The following EP300 variants were observed in gnomAD, a reference collection of about 807,000 sequenced individuals.
The protein encoded by EP300 is histone acetyltransferase p300.
In EP300, 31 loss-of-function variants were observed where a neutral mutation model predicts 264.0. That is an observed-to-expected ratio of 0.12 (90% CI 0.09 to 0.16). The LOEUF (loss-of-function observed/expected upper bound fraction) is 0.16. EP300 is among the 10% of genes least tolerant of loss of function. The probability of loss-of-function intolerance (pLI) is 1.00; values close to 1 mark genes in which losing one functional copy is unlikely to be tolerated. For missense variants in EP300, 2,766 were observed against 3,052.9 expected, an observed-to-expected ratio of 0.91 and a Z score of 2.21; for synonymous variants, 1,340 against 1,045.4, an observed-to-expected ratio of 1.28 and a Z score of -5.44.
chr22:41,098,671 C>G (rs533401864), intron 1 of EP300, among the ~76,000 whole-genome samples: 1 of 152,020 alleles, frequency 6.6e-6, no homozygotes, highest in Non-Finnish European at 1.5e-5. Context: ...GCACCTGGCC[C>G]TAGAAGTAAT....
Position 41,168,276 on chromosome 22 carries a change from A to T in EP300, c.3875-173A>T, listed in dbSNP as rs1377201900. 3 of 664,900 alleles carry T rather than the reference A, an allele frequency of 4.5e-6. No individual in the cohort carries two copies. In the East Asian group the frequency reaches 8.1e-5, roughly 18 times the overall value. The allele number at this position is 664,900 out of a possible 1,614,324, so 41.2% of individuals were successfully genotyped here. ...ATATGAAGATTAGCATGTTCCCTGC[A>T]CTCATATGACATGTAAATCTGCAAA... is the stretch of plus-strand genomic sequence containing the variant. On this transcript the variant is annotated intron_variant, in intron 23 of 30. Transcript: ENST00000263253.
chr22:41,110,294 T>A (rs866708379), intron 1 of EP300, among the ~76,000 whole-genome samples: 15 of 91,012 alleles, frequency 1.6e-4, no homozygotes, highest in African/African-American at 6.3e-4. Flanking sequence ...TTTTTTTTTT[T>A]TTTTTTTTTT....
intron 22 of EP300, among the ~76,000 whole-genome samples, chr22:41,164,595 C>T (rs2059124972): frequency 6.6e-6 from 1 of 152,156 alleles, no homozygotes. Context: ...GCCTGTAATC[C>T]AGCTACTCAG....
chr22:41,161,090 G>C (rs1056264330), intron 20 of EP300, among the ~76,000 whole-genome samples: 12 of 152,230 alleles, frequency 7.9e-5, no homozygotes, highest in African/African-American at 2.9e-4. Context: ...AAAAATTGGA[G>C]GTTAGTACAA....
At position 41,177,802 on chromosome 22, in the gene EP300, C is replaced by T. The variant is rs199650847; in HGVS notation, c.6091C>T (p.Pro2031Ser). ...TCAACCTTTGAACATGGCTCCACAA[C>T]CAGGATTGGGCCAGGTAGGTATCAG... The part of the protein sequence containing the change: ...HGQPLNMAPQ[P>S]GLGQVGISPL... The change falls in exon 31 of 31, where the codon CCA (proline) becomes TCA (serine). Residue 2031 changes from proline (P) to serine (S), a missense_variant. Transcript: ENST00000263253. 10 of 1,614,084 alleles carry T rather than the reference C, an allele frequency of 6.2e-6. No homozygotes were observed. The Admixed American group carries it at 1.2e-4, about 19-fold the overall frequency.
chr22:41,166,739 A>G, intron 23 of EP300, 73 bp downstream of exon 23: 4 of 1,018,128 alleles, frequency 3.9e-6, no homozygotes, highest in Admixed American at 2.0e-5. Flanking sequence ...TCCAAAGTGA[A>G]TTACTTTGTT....
Position 41,169,600 on chromosome 22 carries a change from T to C in EP300, c.4270T>C (p.Tyr1424His). The C allele has an allele frequency of 6.3e-7, 1 of 1,597,118 alleles. No homozygotes were observed. The highest frequency in any genetic ancestry group is 8.6e-7 in the Non-Finnish European group (1 of 1,166,680). ...YHEILIGYLE[Y>H]VKKLGYTTGH... ...TGAAATCCTAATTGGATATTTAGAA[T>C]ATGTCAAGAAATTAGGGTAAGCATA... The change falls in exon 26 of 31, where the codon TAT becomes CAT. Residue 1424 changes from tyrosine to histidine, a missense_variant. By Grantham distance (83) the Tyr-to-His change is moderately conservative (BLOSUM62 2). Coordinates refer to ENST00000263253, the MANE Select transcript of EP300 (RefSeq NM_001429.4).
Position 41,127,868 on chromosome 22 carries a change from G to T in EP300, c.1168+120G>T, listed in dbSNP as rs2058892086. On this transcript the variant is annotated intron_variant, in intron 4 of 30. Coordinates refer to ENST00000263253, the MANE Select transcript of EP300 (RefSeq NM_001429.4). ...GTTTAATACCTTAATTGTGGTGATGGTGTCTGTATGTACAAAGTCACCAAA... is the reference window on the plus strand; with the variant it reads ...GTTTAATACCTTAATTGTGGTGATGTTGTCTGTATGTACAAAGTCACCAAA... 1.7e-5 allele frequency: 22 copies of T among 1,289,768 alleles called. No homozygotes were observed. In the Admixed American group the frequency reaches 1.8e-4, roughly 10 times the overall value. 79.9% of individuals were successfully genotyped at this position (1,289,768 alleles called of 1,614,324 possible). A position where few individuals can be genotyped will look rare whatever the true frequency, so the allele number is the denominator to read the frequency against.
At chr22:41,112,329 A>G (rs532147136) in intron 1 of EP300, among the ~76,000 whole-genome samples, 2 of 152,228 alleles carry the variant, frequency 1.3e-5, no homozygotes, top group Non-Finnish European at 2.9e-5. Context: ...AGCTGGGACT[A>G]CAGGCGCCTG....
intron 21 of EP300, among the ~76,000 whole-genome samples, chr22:41,163,598 T>C (rs1445775776): frequency 1.3e-5 from 2 of 150,924 alleles, no homozygotes; most frequent in African/African-American, 4.9e-5. Context: ...AATATATAAA[T>C]TAGCTGTGCG....
At position 41,132,825 on chromosome 22, in the gene EP300, C is replaced by T. The variant is rs959495693; in HGVS notation, c.1528+1192C>T. Among the ~76,000 whole-genome samples, 5 of 152,044 alleles carry T rather than the reference C, an allele frequency of 3.3e-5. No homozygotes were observed. In the South Asian group the frequency reaches 1.0e-3, roughly 32 times the overall value. On this transcript the variant is annotated intron_variant, in intron 6 of 30. Coordinates refer to ENST00000263253, the MANE Select transcript of EP300 (RefSeq NM_001429.4). ...CTGAGAGGGAAGAGGGAGAAGTGTTCCAGTATCCTAATTTGGGGATATATA... is the reference window on the plus strand; with the variant it reads ...CTGAGAGGGAAGAGGGAGAAGTGTTTCAGTATCCTAATTTGGGGATATATA...
In EP300 at chr22:41,117,573, C is replaced by G. The variant is rs745566349; in HGVS notation, c.481C>G (p.Pro161Ala). The change falls in exon 2 of 31, where the codon CCT (proline) becomes GCT (alanine). Residue 161 changes from proline (P) to alanine (A), a missense_variant. Coordinates refer to ENST00000263253, the MANE Select transcript of EP300 (RefSeq NM_001429.4). The part of the protein sequence containing the change: ...TGMMNSPVNQ[P>A]AMGMNTGMNA... ...TATGATGAACAGTCCAGTAAATCAG[C>G]CTGCCATGGGAATGAACACAGGGAT... The G allele has an allele frequency of 2.5e-6, 4 of 1,614,240 alleles. No individual in the cohort carries two copies. Among genetic ancestry groups the G allele is most frequent in the Non-Finnish European group, 3.4e-6 (4 of 1,180,052 alleles).
At position 41,129,918 on chromosome 22, in the gene EP300, C is replaced by A. The variant is rs763065341; in HGVS notation, c.1197C>A (p.Ile399=). The A allele has an allele frequency of 1.2e-6, 2 of 1,613,942 alleles. No homozygotes were observed. The highest frequency in any genetic ancestry group is 1.7e-5 in the Admixed American group (1 of 60,018). The change falls in exon 5 of 31, where the codon ATC becomes ATA. Residue 399 remains isoleucine (I), a synonymous_variant. Coordinates refer to ENST00000263253, the MANE Select transcript of EP300 (RefSeq NM_001429.4). ...QVAHCASSRQ[I]ISHWKNCTRH... ...CACACTGTGCATCTTCTCGACAAAT[C>A]ATTTCACACTGGAAGAATTGTACAA...
In EP300 at chr22:41,146,441, A is replaced by G. The variant is rs185892497; in HGVS notation, c.2054-298A>G. The G allele has an allele frequency of 3.8e-4, 143 of 376,180 alleles. No individual in the cohort carries two copies. In the East Asian group the frequency reaches 8.4e-3, roughly 22 times the overall value. The allele number at this position is 376,180 out of a possible 1,614,324, so 23.3% of individuals were successfully genotyped here. ...CTCAGCCTCCCAAAGTGCCAGGATT[A>G]CAGGCGTGAGCCACTGTGCCTGGCC... On this transcript the variant is annotated intron_variant, in intron 10 of 30. Transcript: ENST00000263253.
At chr22:41,103,246 T>C (rs1480509286) in intron 1 of EP300, among the ~76,000 whole-genome samples, 1 of 152,154 alleles carries the variant, frequency 6.6e-6, no homozygotes, top group Non-Finnish European at 1.5e-5. Flanking sequence ...ATTTGGGGCA[T>C]TTTGAAGTTG....
At chr22:41,130,632 A>G (rs2058913337) in intron 5 of EP300, among the ~76,000 whole-genome samples, 1 of 152,198 alleles carries the variant, frequency 6.6e-6, no homozygotes, top group South Asian at 2.1e-4. Flanking sequence ...TACAAACAGC[A>G]ATAGGTAAAT....
chr22:41,150,288 A>AT, intron 14 of EP300, 90 bp downstream of exon 14: 1 of 1,402,442 alleles, frequency 7.1e-7, no homozygotes, highest in East Asian at 2.5e-5. Flanking sequence ...CTTTTGCTTT[A>AT]TCTCTTACTG....
chr22:41,168,817 T>C lies in EP300; in HGVS notation c.4122T>C (p.Phe1374=). ...EEIDGVDLCF[F]GMHVQEYGSD... is the part of the protein sequence containing the mutation. ...TTGATGGTGTTGACCTGTGCTTCTT[T>C]GGCATGCATGTTCAAGAGTATGGCT... is the stretch of plus-strand genomic sequence containing the variant. Residue 1374 remains phenylalanine (F), a synonymous_variant, in exon 25 of 31, where the codon TTT becomes TTC. Transcript: ENST00000263253. 5 of 1,614,202 alleles carry C rather than the reference T, an allele frequency of 3.1e-6. No homozygotes were observed. The highest frequency in any genetic ancestry group is 4.2e-6 in the Non-Finnish European group (5 of 1,180,040).
intron 1 of EP300, among the ~76,000 whole-genome samples, chr22:41,109,253 C>CCA (rs2058775020): frequency 8.6e-6 from 1 of 116,428 alleles, no homozygotes; most frequent in Admixed American, 8.8e-5. Context: ...GACCCTGTCT[C>CCA]AAAAAAAAAA....
Sources: gnomAD v4.1 joint callset for allele counts (sites outside exome capture counted in the v4.1 genomes callset) on GRCh38, gnomAD v4.1.1 for gene constraint, MANE v1.5 for transcripts, NCBI Gene and HGNC (gene_info 2026-07-23, HGNC 2026-07-21) for gene names.